The following RUNX2 variants were observed in gnomAD, a reference collection of about 807,000 sequenced individuals.
RUNX2 encodes the protein RUNX family transcription factor 2, also known as runt-related transcription factor 2.
Under a neutral mutation model 51.7 loss-of-function variants are expected in RUNX2, and 10 were observed. The observed-to-expected ratio is 0.19, with a 90% CI of 0.12 to 0.33. The LOEUF (loss-of-function observed/expected upper bound fraction) is 0.33. Among genes scored for constraint, RUNX2 ranks in the 10% least tolerant of loss-of-function variants. The pLI, the probability that RUNX2 is intolerant of heterozygous loss-of-function variation, is 1.00. For synonymous variants in RUNX2, 276 were observed against 273.6 expected (o/e 1.01, Z -0.09); for missense variants, 562 against 691.3 (o/e 0.81, Z 2.10).
At chr6:45,425,569 T>C (rs1218142809) in intron 3 of RUNX2, among the ~76,000 whole-genome samples, 1 of 152,182 alleles carries the variant, frequency 6.6e-6, no homozygotes, top group Non-Finnish European at 1.5e-5. Flanking sequence ...ATACCTGTGT[T>C]AAACAATTCA....
At chr6:45,514,859 A>T (rs1313115071) in intron 7 of RUNX2, among the ~76,000 whole-genome samples, 1 of 152,018 alleles carries the variant, frequency 6.6e-6, no homozygotes. Flanking sequence ...TCCTCTCAAC[A>T]TCTAAACCCA....
intron 2 of RUNX2, among the ~76,000 whole-genome samples, chr6:45,411,236 A>G (rs79359769): frequency 0.08 from 12,157 of 152,234 alleles, 712 homozygotes; most frequent in South Asian, 0.18. Context: ...ATGAATTCAA[A>G]CTAATTTATT....
intron 5 of RUNX2, among the ~76,000 whole-genome samples, chr6:45,473,650 G>A (rs1799870837): frequency 1.3e-5 from 2 of 152,204 alleles, no homozygotes; most frequent in Non-Finnish European, 2.9e-5. Context: ...ACACAGAATG[G>A]GTTTCACTGA....
chr6:45,370,151 C>A (rs148554404), intron 2 of RUNX2, among the ~76,000 whole-genome samples: 1 of 152,236 alleles, frequency 6.6e-6, no homozygotes, highest in African/African-American at 2.4e-5. Flanking sequence ...TCAAGAAGAC[C>A]AGTTAGGAAG....
intron 5 of RUNX2, among the ~76,000 whole-genome samples, chr6:45,463,642 A>T (rs933422937): frequency 8.5e-5 from 13 of 152,282 alleles, no homozygotes; most frequent in African/African-American, 3.1e-4. Flanking sequence ...TTTTAAAAAA[A>T]TGAATTCTCC....
chr6:45,332,449 C>A (rs1030301025), intron 2 of RUNX2, among the ~76,000 whole-genome samples: 4 of 151,656 alleles, frequency 2.6e-5, no homozygotes, highest in African/African-American at 9.7e-5. Flanking sequence ...ATGATGCACC[C>A]GTGCATACTT....
At chr6:45,394,174 C>T (rs986665209) in intron 2 of RUNX2, among the ~76,000 whole-genome samples, 1 of 152,120 alleles carries the variant, frequency 6.6e-6, no homozygotes, top group Non-Finnish European at 1.5e-5. Flanking sequence ...GCCCAAAGTG[C>T]TAGGATTACA....
At chr6:45,434,608 C>T (rs1027480807) in intron 4 of RUNX2, among the ~76,000 whole-genome samples, 2 of 152,154 alleles carry the variant, frequency 1.3e-5, no homozygotes, top group African/African-American at 4.8e-5. Context: ...GTGGAACTTG[C>T]ATTAAGTTAG....
At chr6:45,485,693 G>GTATATATATATATA (rs1257977356) in intron 5 of RUNX2, among the ~76,000 whole-genome samples, 16 of 101,860 alleles carry the variant, frequency 1.6e-4, no homozygotes, top group African/African-American at 5.6e-4. Context: ...GTGTGTGTGT[G>GTATATATATATATA]TGTGTATATA....
chr6:45,441,746 G>C (rs1798847663), intron 5 of RUNX2, among the ~76,000 whole-genome samples: 1 of 152,210 alleles, frequency 6.6e-6, no homozygotes. Flanking sequence ...TGCCTGAGCA[G>C]ATATTCATGC....
At chr6:45,433,621 T>G (rs1299568023) in intron 4 of RUNX2, among the ~76,000 whole-genome samples, 1 of 152,220 alleles carries the variant, frequency 6.6e-6, no homozygotes, top group Non-Finnish European at 1.5e-5. Context: ...CTGCATAACT[T>G]TTTTCTGATC....
intron 2 of RUNX2, among the ~76,000 whole-genome samples, chr6:45,332,300 T>G (rs1251568980): frequency 6.6e-6 from 1 of 151,764 alleles, no homozygotes; most frequent in Non-Finnish European, 1.5e-5. Flanking sequence ...TATACTGTAC[T>G]TCTTTGTTGA....
chr6:45,409,027 T>C (rs111264121), intron 2 of RUNX2, among the ~76,000 whole-genome samples: 2,128 of 152,356 alleles, frequency 0.014, 45 homozygotes, highest in South Asian at 0.025. Flanking sequence ...AGCACACATA[T>C]GCTCAACTTC....
chr6:45,378,815 G>C (rs1797137408), intron 2 of RUNX2, among the ~76,000 whole-genome samples: 1 of 152,062 alleles, frequency 6.6e-6, no homozygotes, highest in African/African-American at 2.4e-5. Flanking sequence ...GTAAGACAAT[G>C]CTTTCAGTCT....
intron 2 of RUNX2, among the ~76,000 whole-genome samples, chr6:45,398,264 C>T (rs957418127): frequency 2.0e-5 from 3 of 152,076 alleles, no homozygotes; most frequent in Admixed American, 6.5e-5. Context: ...GTAGATGAGA[C>T]GATCCATGCA....
chr6:45,388,599 T>C (rs1797407078), intron 2 of RUNX2, among the ~76,000 whole-genome samples: 1 of 152,174 alleles, frequency 6.6e-6, no homozygotes, highest in Non-Finnish European at 1.5e-5. Flanking sequence ...TCTACAGAAT[T>C]TGTGACTCCT....
chr6:45,342,015 G>A (rs1418890650), intron 2 of RUNX2, among the ~76,000 whole-genome samples: 1 of 151,900 alleles, frequency 6.6e-6, no homozygotes, highest in Non-Finnish European at 1.5e-5. Context: ...AAAAAACGGA[G>A]ACTGGACTGA....
chr6:45,520,540 G>A (rs1390215156), intron 7 of RUNX2, among the ~76,000 whole-genome samples: 1 of 152,134 alleles, frequency 6.6e-6, no homozygotes, highest in Non-Finnish European at 1.5e-5. Context: ...CATTCCTTAA[G>A]TGTGCTGTGC....
intron 5 of RUNX2, among the ~76,000 whole-genome samples, chr6:45,490,581 A>C (rs1026880017): frequency 1.3e-5 from 2 of 152,190 alleles, no homozygotes; most frequent in African/African-American, 2.4e-5. Flanking sequence ...GGGAAATTCT[A>C]ATGTTCAATT....
Sources: gnomAD v4.1 joint callset for allele counts (sites outside exome capture counted in the v4.1 genomes callset) on GRCh38, gnomAD v4.1.1 for gene constraint, MANE v1.5 for transcripts, NCBI Gene and HGNC (gene_info 2026-07-23, HGNC 2026-07-21) for gene names.